Variants in MRPS25 observed in about 807,000 individuals in gnomAD.
The protein encoded by MRPS25 is mitochondrial ribosomal protein S25.
A neutral mutation model predicts 17.3 loss-of-function variants in MRPS25; 15 were observed. The ratio of observed to expected loss-of-function variants is 0.87; its 90% CI spans 0.58 to 1.34. MRPS25 has a LOEUF of 1.34. Ranked by LOEUF, MRPS25 falls within the 40% of genes most tolerant of loss-of-function variation. The pLI is 0.00. For synonymous variants in MRPS25, 94 were observed against 83.3 expected, an observed-to-expected ratio of 1.13 and a Z score of -0.70; for missense variants, 225 against 218.6, an observed-to-expected ratio of 1.03 and a Z score of -0.19.
rs922941581 is a variant in MRPS25, at chr3:15,065,158, G to A, written c.37C>T (p.Leu13=). 1 of 1,608,018 alleles carries A rather than the reference G, an allele frequency of 6.2e-7. No individual in the cohort carries two copies. The highest frequency in any genetic ancestry group is 8.5e-7 in the Non-Finnish European group (1 of 1,177,434). Residue 13 remains leucine, a synonymous_variant, in exon 1 of 4, where the codon CTG becomes TTG. Transcript: ENST00000253686. ...ACGTTCCCCTGGCTCAGATATTGCAGGGTGCGGCGGATGGGGAAGCGGCCC... is the reference window on the plus strand; with the variant it reads ...ACGTTCCCCTGGCTCAGATATTGCAAGGTGCGGCGGATGGGGAAGCGGCCC... ...MKGRFPIRRT[L]QYLSQGNVVF... is the part of the protein sequence containing the mutation.
At chr3:15,064,226 CT>C (rs2042822083) in intron 1 of MRPS25, among the ~76,000 whole-genome samples, 1 of 152,170 alleles carries the variant, frequency 6.6e-6, no homozygotes, top group Non-Finnish European at 1.5e-5. Context: ...CAGCCTAGCA[CT>C]CAGAGTGTAC....
downstream of MRPS25, chr3:15,042,614 GA>G (rs1188475249): frequency 4.6e-6 from 2 of 437,432 alleles, no homozygotes; most frequent in African/African-American, 4.0e-5. Context: ...AAACAAGAGT[GA>G]AGGGAACACA....
In MRPS25 at chr3:15,059,418, G is replaced by C. The variant is rs758119666; in HGVS notation, c.192C>G (p.Ile64Met). The C allele has an allele frequency of 1.2e-6, 2 of 1,613,740 alleles. No individual in the cohort carries two copies. Among genetic ancestry groups the C allele is most frequent in the Non-Finnish European group, 1.7e-6 (2 of 1,179,828 alleles). ...QIQYKNPWVQ[I>M]MMFKNMTPSP... Reference sequence around the variant, plus strand: ...ACGGCGTCATGTTCTTAAACATCATGATCTGCACCCAAGGGTTTTTGTATT... The same window carrying C: ...ACGGCGTCATGTTCTTAAACATCATCATCTGCACCCAAGGGTTTTTGTATT... Residue 64 changes from isoleucine to methionine, a missense_variant, in exon 2 of 4, where the codon ATC (isoleucine) becomes ATG (methionine). Physicochemically the swap from Ile to Met is conservative, Grantham distance 10. Transcript: ENST00000253686.
chr3:15,047,745 T>C (rs2042506822), downstream of MRPS25: 1 of 152,238 alleles, frequency 6.6e-6, no homozygotes, highest in African/African-American at 2.4e-5. Flanking sequence ...AAACTAAGCA[T>C]GGATGTTGAT....
In MRPS25 at chr3:15,049,843, C is replaced by A. The variant is rs1311905023; in HGVS notation, c.*2598G>T. 10 of 1,288,838 alleles carry A rather than the reference C, an allele frequency of 7.8e-6. No homozygotes were observed. In the African/African-American group the frequency reaches 1.2e-4, roughly 15 times the overall value. 79.8% of individuals were successfully genotyped at this position (1,288,838 alleles called of 1,614,324 possible). The stretch of plus-strand genomic sequence containing the variant: ...AGTCATGGCTCACTCCAGCCTCAAC[C>A]TCCTGGGCTCAAGTGATCCTCCTGC... On this transcript the variant is annotated 3_prime_UTR_variant, in exon 4 of 4. Coordinates refer to ENST00000253686, the MANE Select transcript of MRPS25 (RefSeq NM_022497.5).
rs575859163 is a variant in MRPS25, at chr3:15,065,269, C to G, written c.-75G>C. 2.1e-6 allele frequency: 3 copies of G among 1,459,264 alleles called. No individual in the cohort carries two copies. In the African/African-American group the frequency reaches 4.3e-5, roughly 21 times the overall value. The allele number at this position is 1,459,264 out of a possible 1,614,324, so 90.4% of individuals were successfully genotyped here. A position where few individuals can be genotyped will look rare whatever the true frequency, so the allele number is the denominator to read the frequency against. Reference sequence around the variant, plus strand: ...ACGAGAAAGGACTAGCTAGCACCCGCGCGGATCTCACGCGGCTTCTCCCCA... The same window carrying G: ...ACGAGAAAGGACTAGCTAGCACCCGGGCGGATCTCACGCGGCTTCTCCCCA... On this transcript the variant is annotated 5_prime_UTR_variant, in exon 1 of 4. Transcript: ENST00000253686.
At position 15,050,378 on chromosome 3, in the gene MRPS25, CA is replaced by C. The variant is rs1041874519; in HGVS notation, c.*2062del. 9.8e-7 allele frequency: 1 copy of C among 1,022,776 alleles called. No homozygotes were observed. The highest frequency in any genetic ancestry group is 1.7e-5 in the African/African-American group (1 of 57,400). The allele number at this position is 1,022,776 out of a possible 1,614,324, so 63.4% of individuals were successfully genotyped here. A position where few individuals can be genotyped will look rare whatever the true frequency, so the allele number is the denominator to read the frequency against. ...ACATTTATTCTGTCTAGAGAATGGTCACCACTCCTTTTGGTTCAGGACATTC... is the reference window on the plus strand; with the variant it reads ...ACATTTATTCTGTCTAGAGAATGGTCCCACTCCTTTTGGTTCAGGACATTC... On this transcript the variant is annotated 3_prime_UTR_variant, in exon 4 of 4. Coordinates refer to ENST00000253686, the MANE Select transcript of MRPS25 (RefSeq NM_022497.5).
chr3:15,043,729 C>T (rs569686436), downstream of MRPS25: 1 of 152,380 alleles, frequency 6.6e-6, no homozygotes, highest in South Asian at 2.1e-4. Context: ...AGAGCAGACA[C>T]TTGTCAGGTT....
chr3:15,065,218 C>A lies in MRPS25; in HGVS notation c.-24G>T, dbSNP rs753008361. On this transcript the variant is annotated 5_prime_UTR_variant, in exon 1 of 4. Coordinates refer to ENST00000253686, the MANE Select transcript of MRPS25 (RefSeq NM_022497.5). ...ATGGCGGCAACGGTGGCGGGGCCGA[C>A]CCCACGGGCCGCGAGCCGAGCAGCG... 4.1e-5 allele frequency: 64 copies of A among 1,561,592 alleles called. No individual in the cohort carries two copies. The highest frequency in any genetic ancestry group is 5.2e-5 in the Non-Finnish European group (60 of 1,156,496).
Position 15,065,273 on chromosome 3 carries a change from G to A in MRPS25, c.-79C>T, listed in dbSNP as rs964639796. 1.4e-5 allele frequency: 21 copies of A among 1,454,324 alleles called. No homozygotes were observed. Among genetic ancestry groups the A allele is most frequent in the African/African-American group, 2.9e-5 (2 of 69,906 alleles). The allele number at this position is 1,454,324 out of a possible 1,614,324, so 90.1% of individuals were successfully genotyped here. ...GAAAGGACTAGCTAGCACCCGCGCG[G>A]ATCTCACGCGGCTTCTCCCCAGAGC... On this transcript the variant is annotated 5_prime_UTR_variant, in exon 1 of 4. Transcript: ENST00000253686.
rs762540985 is a variant in MRPS25, at chr3:15,049,955, G to A, written c.*2486C>T. On this transcript the variant is annotated 3_prime_UTR_variant, in exon 4 of 4. Coordinates refer to ENST00000253686, the MANE Select transcript of MRPS25 (RefSeq NM_022497.5). Reference sequence around the variant, plus strand: ...TAGTGCCTCAAAGAGAAGAAAAGTGGTCACTTCAGAATAAGGCTGTGAACA... The same window carrying A: ...TAGTGCCTCAAAGAGAAGAAAAGTGATCACTTCAGAATAAGGCTGTGAACA... The A allele has an allele frequency of 6.5e-6, 10 of 1,528,220 alleles. No homozygotes were observed. In the South Asian group the frequency reaches 1.1e-4, roughly 17 times the overall value. 94.7% of individuals were successfully genotyped at this position (1,528,220 alleles called of 1,614,324 possible). A position where few individuals can be genotyped will look rare whatever the true frequency, so the allele number is the denominator to read the frequency against.
chr3:15,063,775 G>A (rs1324560782), intron 1 of MRPS25, among the ~76,000 whole-genome samples: 1 of 152,130 alleles, frequency 6.6e-6, no homozygotes, highest in Non-Finnish European at 1.5e-5. Context: ...GCCAAACAGT[G>A]AAGGGCCCTC....
At position 15,052,493 on chromosome 3, in the gene MRPS25, T is replaced by C. The variant is rs186043878; in HGVS notation, c.470A>G (p.Lys157Arg). 1.1e-4 allele frequency: 177 copies of C among 1,614,136 alleles called. 3 individuals are homozygous for C. The Admixed American group carries it at 2.9e-3, about 26-fold the overall frequency. ...GGCTTTGTACTTCCCCCTCATCTCCTTGGGTAATGGCACCAGGCTGGGGCA... is the reference window on the plus strand; with the variant it reads ...GGCTTTGTACTTCCCCCTCATCTCCCTGGGTAATGGCACCAGGCTGGGGCA... ...VPCPSLVPLP[K>R]EMRGKYKAAL... Residue 157 changes from lysine (K) to arginine (R), a missense_variant, in exon 4 of 4, where the codon AAG becomes AGG. Lys to Arg is a conservative substitution (Grantham distance 26). Coordinates refer to ENST00000253686, the MANE Select transcript of MRPS25 (RefSeq NM_022497.5).
At position 15,050,184 on chromosome 3, in the gene MRPS25, C is replaced by T; in HGVS notation, c.*2257G>A. On this transcript the variant is annotated 3_prime_UTR_variant, in exon 4 of 4. Transcript: ENST00000253686. Reference sequence around the variant, plus strand: ...AAAAAAAGAAAATAATGTTTATTTCCACAAATTATCTGCTGCCTGTGAAGC... The same window carrying T: ...AAAAAAAGAAAATAATGTTTATTTCTACAAATTATCTGCTGCCTGTGAAGC... The T allele has an allele frequency of 8.2e-7, 1 of 1,224,910 alleles. No homozygotes were observed. Among genetic ancestry groups the T allele is most frequent in the Non-Finnish European group, 1.0e-6 (1 of 982,774 alleles). 75.9% of individuals were successfully genotyped at this position (1,224,910 alleles called of 1,614,324 possible).
intron 2 of MRPS25, among the ~76,000 whole-genome samples, chr3:15,056,447 C>T (rs576403329): frequency 1.3e-5 from 2 of 152,264 alleles, no homozygotes; most frequent in South Asian, 2.1e-4. Flanking sequence ...AGATGTGATT[C>T]GAGTTAAGGG....
chr3:15,047,609 A>G (rs747720488), downstream of MRPS25: 3 of 152,196 alleles, frequency 2.0e-5, no homozygotes, highest in Non-Finnish European at 1.5e-5. Flanking sequence ...GATGGTAGCA[A>G]TTTCCCAGGC....
intron 2 of MRPS25, among the ~76,000 whole-genome samples, chr3:15,055,908 T>C (rs558116655): frequency 6.6e-6 from 1 of 151,754 alleles, no homozygotes; most frequent in East Asian, 1.9e-4. Flanking sequence ...CCCGTTTTTT[T>C]TTTTTTTTAA....
At chr3:15,061,437 C>T (rs1387663263) in intron 1 of MRPS25, among the ~76,000 whole-genome samples, 5 of 152,222 alleles carry the variant, frequency 3.3e-5, no homozygotes, top group African/African-American at 7.2e-5. Flanking sequence ...GGGCTGGTCT[C>T]CAGCTCCTAA....
rs898119025 is a variant in MRPS25, at chr3:15,052,211, T to C, written c.*230A>G. 1.6e-6 allele frequency: 2 copies of C among 1,266,572 alleles called. No individual in the cohort carries two copies. Among genetic ancestry groups the C allele is most frequent in the South Asian group, 3.0e-5 (1 of 33,664 alleles). 78.5% of individuals were successfully genotyped at this position (1,266,572 alleles called of 1,614,324 possible). ...TAGGACCAGATACACGCCAAGCTGC[T>C]ATTAGGAAGCGTTTTATTGACCAGC... On this transcript the variant is annotated 3_prime_UTR_variant, in exon 4 of 4. Transcript: ENST00000253686.
Sources: allele counts gnomAD v4.1 joint callset (sites outside exome capture counted in the v4.1 genomes callset), GRCh38; gene constraint gnomAD v4.1.1; transcripts MANE v1.5; gene names NCBI Gene and HGNC (gene_info 2026-07-23, HGNC 2026-07-21).